BMPR1B: variants seen among roughly 807,000 people sequenced by gnomAD.
The protein encoded by BMPR1B is bone morphogenetic protein receptor type 1B.
Under a neutral mutation model 59.1 loss-of-function variants are expected in BMPR1B, and 12 were observed. That is an observed-to-expected ratio of 0.20 (90% CI 0.13 to 0.33). BMPR1B has a LOEUF of 0.33. BMPR1B is among the 10% of genes least tolerant of loss of function. The pLI is 1.00. For synonymous variants in BMPR1B, 237 were observed against 207.3 expected (o/e 1.14, Z -1.23); for missense variants, 550 against 610.9 (o/e 0.90, Z 1.05).
Position 94,981,751 on chromosome 4 carries a change from A to C in BMPR1B, c.-112-14289A>C, listed in dbSNP as rs925194282. 4.1e-4 allele frequency among the ~76,000 whole-genome samples: 62 copies of C among 152,210 alleles called. 1 individual carries two copies. Among genetic ancestry groups the C allele is most frequent in the African/African-American group, 1.5e-3 (61 of 41,466 alleles). On this transcript the variant is annotated intron_variant, in intron 2 of 12. Coordinates refer to ENST00000515059, the MANE Select transcript of BMPR1B (RefSeq NM_001203.3). ...GTTTAATTGAACAATAGAAATGGCA[A>C]CTGTGCCTGATAAACGTATCTAAAT...
intron 1 of BMPR1B, among the ~76,000 whole-genome samples, chr4:94,825,166 G>A (rs1724339852): frequency 6.6e-6 from 1 of 152,034 alleles, no homozygotes; most frequent in South Asian, 2.1e-4. Context: ...TTCTGTGGTG[G>A]CCCCATCCTC....
chr4:95,101,953 T>C (rs1730856655), intron 3 of BMPR1B, among the ~76,000 whole-genome samples: 1 of 152,132 alleles, frequency 6.6e-6, no homozygotes, highest in African/African-American at 2.4e-5. Context: ...TCTCTTATTA[T>C]AGTGGGATTT....
chr4:95,154,710 A>C lies in BMPR1B; in HGVS notation c.*37A>C. 1 of 1,612,410 alleles carries C rather than the reference A, an allele frequency of 6.2e-7. No individual in the cohort carries two copies. Among genetic ancestry groups the C allele is most frequent in the Non-Finnish European group, 8.5e-7 (1 of 1,178,672 alleles). On this transcript the variant is annotated 3_prime_UTR_variant, in exon 13 of 13. Coordinates refer to ENST00000515059, the MANE Select transcript of BMPR1B (RefSeq NM_001203.3). Reference sequence around the variant, plus strand: ...AAGTAAGCATCTCTGCAGAAAGCCAACAGGTACTCTTCTGTTTGTGGGCAG... The same window carrying C: ...AAGTAAGCATCTCTGCAGAAAGCCACCAGGTACTCTTCTGTTTGTGGGCAG...
At chr4:95,075,975 G>A (rs116632341) in intron 3 of BMPR1B, among the ~76,000 whole-genome samples, 195 of 152,166 alleles carry the variant, frequency 1.3e-3, no homozygotes, top group African/African-American at 4.3e-3. Flanking sequence ...AGAAGACCCA[G>A]GCATTGAACT....
At chr4:94,765,178 T>G (rs1389049451) in intron 1 of BMPR1B, among the ~76,000 whole-genome samples, 1 of 152,142 alleles carries the variant, frequency 6.6e-6, no homozygotes, top group Non-Finnish European at 1.5e-5. Flanking sequence ...CATATAAACC[T>G]TAAGAAAATA....
At chr4:95,117,153 T>A (rs1371345218) in intron 6 of BMPR1B, among the ~76,000 whole-genome samples, 1 of 152,168 alleles carries the variant, frequency 6.6e-6, no homozygotes, top group Non-Finnish European at 1.5e-5. Context: ...AGGAGTGTGC[T>A]AAGTGGATAA....
chr4:95,048,566 T>C (rs1430659937), intron 3 of BMPR1B, among the ~76,000 whole-genome samples: 1 of 152,202 alleles, frequency 6.6e-6, no homozygotes, highest in Non-Finnish European at 1.5e-5. Flanking sequence ...TGAACATTCT[T>C]TTCATGTGTT....
chr4:95,098,532 T>C (rs367688310), intron 3 of BMPR1B, among the ~76,000 whole-genome samples: 1 of 152,032 alleles, frequency 6.6e-6, no homozygotes, highest in Non-Finnish European at 1.5e-5. Context: ...ATCTTTTTTT[T>C]TGTGGCTTTT....
At chr4:94,897,452 C>T (rs2148996102) in intron 2 of BMPR1B, among the ~76,000 whole-genome samples, 1 of 152,100 alleles carries the variant, frequency 6.6e-6, no homozygotes, top group African/African-American at 2.4e-5. Context: ...GCATTTGCAT[C>T]TGCCAATTAC....
intron 2 of BMPR1B, among the ~76,000 whole-genome samples, chr4:94,960,242 A>T (rs777020985): frequency 6.6e-6 from 1 of 152,176 alleles, no homozygotes; most frequent in Non-Finnish European, 1.5e-5. Context: ...TCTGTGAAAC[A>T]TCTCCTTGGT....
intron 1 of BMPR1B, among the ~76,000 whole-genome samples, chr4:94,862,474 A>C (rs1242850525): frequency 6.6e-6 from 1 of 151,226 alleles, no homozygotes; most frequent in Non-Finnish European, 1.5e-5. Context: ...TAAATTTTGG[A>C]AACATATTTC....
At chr4:95,073,223 T>G (rs1243923244) in intron 3 of BMPR1B, among the ~76,000 whole-genome samples, 1 of 152,162 alleles carries the variant, frequency 6.6e-6, no homozygotes, top group African/African-American at 2.4e-5. Flanking sequence ...AAGTTAATAT[T>G]TGACTTGCCA....
intron 6 of BMPR1B, among the ~76,000 whole-genome samples, chr4:95,116,421 G>GCGCGCGCGCGCGCGCGCGCACA: frequency 8.1e-6 from 1 of 123,198 alleles, no homozygotes; most frequent in African/African-American, 3.6e-5. Flanking sequence ...TTCAGCGCGC[G>GCGCGCGCGCGCGCGCGCGCACA]CACACACACA....
At chr4:94,997,808 C>T (rs2149105132) in intron 3 of BMPR1B, among the ~76,000 whole-genome samples, 1 of 152,236 alleles carries the variant, frequency 6.6e-6, no homozygotes, top group East Asian at 1.9e-4. Context: ...AGTAATATCT[C>T]ATGATCAAGA....
intron 1 of BMPR1B, among the ~76,000 whole-genome samples, chr4:94,827,404 GT>G (rs1724422430): frequency 6.6e-6 from 1 of 151,918 alleles, no homozygotes; most frequent in Non-Finnish European, 1.5e-5. Flanking sequence ...TGTATATAAA[GT>G]GTATATAAAC....
chr4:95,150,127 C>T (rs1302018573), intron 11 of BMPR1B, among the ~76,000 whole-genome samples: 1 of 152,178 alleles, frequency 6.6e-6, no homozygotes, highest in African/African-American at 2.4e-5. Context: ...CTAATAATCA[C>T]TTTGGGAATT....
chr4:94,922,935 CTTTAT>C (rs1728757685), intron 2 of BMPR1B, among the ~76,000 whole-genome samples: 1 of 152,058 alleles, frequency 6.6e-6, no homozygotes, highest in South Asian at 2.1e-4. Flanking sequence ...AAAATTTTCT[CTTTAT>C]TTTGAGTTCC....
chr4:94,799,028 C>T (rs929207810), intron 1 of BMPR1B, among the ~76,000 whole-genome samples: 7 of 151,478 alleles, frequency 4.6e-5, no homozygotes, highest in African/African-American at 7.3e-5. Context: ...CCCAGGAGTG[C>T]GTTAGTGTGT....
At chr4:95,032,055 ACT>A (rs1255363997) in intron 3 of BMPR1B, among the ~76,000 whole-genome samples, 1 of 151,998 alleles carries the variant, frequency 6.6e-6, no homozygotes, top group African/African-American at 2.4e-5. Context: ...AGAAGCTAAA[ACT>A]CTTAGTCTAC....
Sources: allele counts gnomAD v4.1 joint callset (sites outside exome capture counted in the v4.1 genomes callset), GRCh38; gene constraint gnomAD v4.1.1; transcripts MANE v1.5; gene names NCBI Gene and HGNC (gene_info 2026-07-23, HGNC 2026-07-21).